Variants in SLTM observed in about 807,000 individuals in gnomAD.
The protein encoded by SLTM is SAFB like transcription modulator, also known as SAFB-like transcription modulator.
In SLTM, 43 loss-of-function variants were observed where a neutral mutation model predicts 134.6. The observed-to-expected ratio is 0.32, with a 90% CI of 0.25 to 0.41. The LOEUF (loss-of-function observed/expected upper bound fraction) is 0.41. SLTM is among the 10% of genes least tolerant of loss of function. The probability of loss-of-function intolerance (pLI) is 1.00; values close to 1 mark genes in which losing one functional copy is unlikely to be tolerated. For synonymous variants in SLTM, 424 were observed against 432.3 expected, an observed-to-expected ratio of 0.98 and a Z score of 0.24; for missense variants, 1,055 against 1,288.8, an observed-to-expected ratio of 0.82 and a Z score of 2.78.
At chr15:58,901,721 A>C (rs1376965575) in intron 5 of SLTM, among the ~76,000 whole-genome samples, 1 of 152,182 alleles carries the variant, frequency 6.6e-6, no homozygotes, top group Non-Finnish European at 1.5e-5. Context: ...CAAGTGCTTG[A>C]ATACACAGTA....
At position 58,880,104 on chromosome 15, in the gene SLTM, G is replaced by A. The variant is rs997111557; in HGVS notation, c.3000C>T (p.Asn1000=). 16 of 1,611,486 alleles carry A rather than the reference G, an allele frequency of 9.9e-6. No individual in the cohort carries two copies. The highest frequency in any genetic ancestry group is 2.2e-5 in the East Asian group (1 of 44,838). The change falls in exon 21 of 21, where the codon AAC becomes AAT. Residue 1000 remains asparagine, a synonymous_variant. Coordinates refer to ENST00000380516, the MANE Select transcript of SLTM (RefSeq NM_024755.4). The stretch of plus-strand genomic sequence containing the variant: ...GTACAATTCTATTAATTGGGGATGC[G>A]TTACTGAAAAAGGTTTAAAAGAAAA... ...GAGMITQHSS[N]ASPINRIVQI...
chr15:58,909,579 T>C (rs755554386), intron 5 of SLTM, among the ~76,000 whole-genome samples: 2 of 152,190 alleles, frequency 1.3e-5, no homozygotes, highest in East Asian at 1.9e-4. Flanking sequence ...CAACCCCTAA[T>C]TGGGTATGAA....
At chr15:58,888,757 C>T (rs2034425810) in intron 16 of SLTM, 2 of 418,470 alleles carry the variant, frequency 4.8e-6, no homozygotes, top group Non-Finnish European at 8.3e-6. Context: ...AGGAATTTAA[C>T]AGGAGAGAAA....
chr15:58,923,868 G>A (rs1206199470), intron 2 of SLTM, among the ~76,000 whole-genome samples: 3 of 134,942 alleles, frequency 2.2e-5, no homozygotes, highest in Non-Finnish European at 3.1e-5. Flanking sequence ...GGAGTGCAGT[G>A]CAGAGGCGCT....
At chr15:58,918,844 T>G (rs557030803) in intron 2 of SLTM, among the ~76,000 whole-genome samples, 1 of 151,946 alleles carries the variant, frequency 6.6e-6, no homozygotes, top group Admixed American at 6.5e-5. Context: ...TAGAAGTTAC[T>G]AAAAGGGCAA....
At chr15:58,904,975 C>T (rs375822765) in intron 5 of SLTM, among the ~76,000 whole-genome samples, 66 of 152,016 alleles carry the variant, frequency 4.3e-4, no homozygotes, top group Non-Finnish European at 8.7e-4. Flanking sequence ...TCCCAAAGTC[C>T]TGGGATTACA....
At chr15:58,905,064 G>A (rs536255488) in intron 5 of SLTM, among the ~76,000 whole-genome samples, 1 of 152,226 alleles carries the variant, frequency 6.6e-6, no homozygotes, top group Admixed American at 6.5e-5. Context: ...GGCTGGTCTT[G>A]AACTCCTGGC....
chr15:58,894,002 C>G lies in SLTM; in HGVS notation c.1482-15G>C. The G allele has an allele frequency of 1.2e-6, 2 of 1,600,524 alleles. No individual in the cohort carries two copies. The highest frequency in any genetic ancestry group is 1.7e-6 in the Non-Finnish European group (2 of 1,176,586). On this transcript the variant is annotated splice_polypyrimidine_tract_variant and intron_variant, in intron 11 of 20. Transcript: ENST00000380516. ...AGGCTTGTGTCCTGACCATACCGCC[C>G]CAGACAAAAAAACAGAATGAGTACT...
Position 58,899,501 on chromosome 15 carries a change from G to A in SLTM, c.1026C>T (p.Pro342=). 4 of 1,614,012 alleles carry A rather than the reference G, an allele frequency of 2.5e-6. No homozygotes were observed. The highest frequency in any genetic ancestry group is 3.4e-6 in the Non-Finnish European group (4 of 1,179,966). ...DKEKDTLKKG[P]SSTGASGQAK... ...CTTGACCAGAGGCCCCAGTAGACGA[G>A]GGCCCTTTCTTCAAAGTATCCTTTT... The change falls in exon 7 of 21, where the codon CCC becomes CCT. Residue 342 remains proline (P), a synonymous_variant. Transcript: ENST00000380516. The surrounding 1 kb of genome is among the most constrained non-coding windows in gnomAD (Gnocchi z 5.0).
At chr15:58,889,262 C>A (rs1169323265) in intron 16 of SLTM, 168 bp downstream of exon 16, 4 of 708,752 alleles carry the variant, frequency 5.6e-6, no homozygotes, top group Non-Finnish European at 8.9e-6. Flanking sequence ...ACAGACTGTT[C>A]CCACTTGCTA....
At position 58,899,016 on chromosome 15, in the gene SLTM, C is replaced by T. The variant is rs1417909500; in HGVS notation, c.1059-164G>A. 1 of 541,454 alleles carries T rather than the reference C, an allele frequency of 1.8e-6. No individual in the cohort carries two copies. The highest frequency in any genetic ancestry group is 3.2e-6 in the Non-Finnish European group (1 of 308,782). 33.5% of individuals were successfully genotyped at this position (541,454 alleles called of 1,614,324 possible). On this transcript the variant is annotated intron_variant, in intron 7 of 20. Transcript: ENST00000380516. The surrounding 1 kb of genome is among the most constrained non-coding windows in gnomAD (Gnocchi z 5.0). ...TTGAACAAATGACTCCCTGAGGATTCTTGCACTGATTTTCCCCAAGATGCC... is the reference window on the plus strand; with the variant it reads ...TTGAACAAATGACTCCCTGAGGATTTTTGCACTGATTTTCCCCAAGATGCC...
intron 5 of SLTM, among the ~76,000 whole-genome samples, chr15:58,904,567 C>G (rs184398276): frequency 2.1e-5 from 3 of 140,496 alleles, no homozygotes; most frequent in East Asian, 4.3e-4. Flanking sequence ...TTTTTTGAGG[C>G]AGAGTCTCAC....
chr15:58,907,490 C>G (rs562930888), intron 5 of SLTM, among the ~76,000 whole-genome samples: 3 of 151,960 alleles, frequency 2.0e-5, no homozygotes, highest in Admixed American at 6.6e-5. Context: ...GGTGTGGTGG[C>G]GCACGCCTGT....
At chr15:58,910,637 A>AT (rs1284532877) in intron 5 of SLTM, among the ~76,000 whole-genome samples, 2 of 152,184 alleles carry the variant, frequency 1.3e-5, no homozygotes, top group Non-Finnish European at 2.9e-5. Flanking sequence ...ACAGAAGCTA[A>AT]TATCTAGCTG....
At chr15:58,902,388 T>G (rs1450187568) in intron 5 of SLTM, among the ~76,000 whole-genome samples, 1 of 32,150 alleles carries the variant, frequency 3.1e-5, no homozygotes, top group East Asian at 9.2e-4. Context: ...ATGTTTTGAT[T>G]GTTTTTTTTT....
intron 10 of SLTM, 41 bp downstream of exon 10, chr15:58,894,392 T>A: frequency 1.9e-6 from 3 of 1,611,410 alleles, no homozygotes; most frequent in Non-Finnish European, 2.5e-6. Flanking sequence ...GAACTAGCCA[T>A]CAAATTAGAC....
intron 6 of SLTM, chr15:58,900,350 A>G (rs753804467): frequency 4.6e-5 from 8 of 173,724 alleles, no homozygotes; most frequent in African/African-American, 7.2e-5. Flanking sequence ...ACTTCTTGAC[A>G]GGTAACAGTC....
At chr15:58,922,307 G>A (rs1211156752) in intron 2 of SLTM, among the ~76,000 whole-genome samples, 27 of 145,816 alleles carry the variant, frequency 1.9e-4, no homozygotes, top group African/African-American at 6.7e-4. Flanking sequence ...AACCCGGGTG[G>A]TGGAGGTTGC....
At chr15:58,893,635 G>A (rs1379464889) in intron 12 of SLTM, among the ~76,000 whole-genome samples, 186 bp downstream of exon 12, 1 of 152,142 alleles carries the variant, frequency 6.6e-6, no homozygotes, top group Non-Finnish European at 1.5e-5. Context: ...TTAGCTGGAA[G>A]AATACATTTG....
Sources: gnomAD v4.1 joint callset for allele counts (sites outside exome capture counted in the v4.1 genomes callset) on GRCh38, gnomAD v4.1.1 for gene constraint, Gnocchi (gnomAD v3.1) non-coding constraint, MANE v1.5 for transcripts, NCBI Gene and HGNC (gene_info 2026-07-23, HGNC 2026-07-21) for gene names.